ERBB4: variants seen among roughly 807,000 people sequenced by gnomAD.
ERBB4 encodes receptor tyrosine-protein kinase erbB-4.
ERBB4 carries 42 observed loss-of-function variants against 158.0 expected under a neutral mutation model. The observed-to-expected ratio is 0.27, with a 90% CI of 0.21 to 0.34. The LOEUF (loss-of-function observed/expected upper bound fraction) is 0.34. ERBB4 is among the 10% of genes least tolerant of loss of function. ERBB4 has a pLI of 1.00. For synonymous variants in ERBB4, 583 were observed against 558.7 expected (o/e 1.04, Z -0.61); for missense variants, 1,333 against 1,624.1 (o/e 0.82, Z 3.08).
intron 1 of ERBB4, among the ~76,000 whole-genome samples, chr2:212,538,194 G>A (rs1026741288): frequency 6.6e-6 from 1 of 152,102 alleles, no homozygotes; most frequent in South Asian, 2.1e-4. Flanking sequence ...CAAACAAAAC[G>A]CTCGGGAAAG....
At chr2:212,161,097 G>A (rs1385951251) in intron 1 of ERBB4, among the ~76,000 whole-genome samples, 1 of 151,892 alleles carries the variant, frequency 6.6e-6, no homozygotes, top group Admixed American at 6.6e-5. Context: ...TAGAGTTTTA[G>A]CATTAAAAGA....
At chr2:211,787,305 T>C (rs1229146932) in intron 4 of ERBB4, among the ~76,000 whole-genome samples, 1 of 152,156 alleles carries the variant, frequency 6.6e-6, no homozygotes, top group African/African-American at 2.4e-5. Context: ...TTTATGAAAA[T>C]GAAACAGATA....
At position 212,020,101 on chromosome 2, in the gene ERBB4, A is replaced by G. The variant is rs542958277; in HGVS notation, c.235-72485T>C. ...ATGAATGAACAATATATTCCACAGC[A>G]TCCTTAATGCATATGTATGTCTACA... On this transcript the variant is annotated intron_variant, in intron 2 of 27. Transcript: ENST00000342788. Among the ~76,000 whole-genome samples the G allele has an allele frequency of 2.6e-5, 4 of 152,290 alleles. No homozygotes were observed. In the South Asian group the frequency reaches 6.2e-4, roughly 24 times the overall value.
chr2:211,531,701 G>A (rs75596861), intron 20 of ERBB4, among the ~76,000 whole-genome samples: 2 of 151,972 alleles, frequency 1.3e-5, no homozygotes, highest in African/African-American at 2.4e-5. Flanking sequence ...CCTCTCATAC[G>A]CTGTTGGTGG....
chr2:211,837,854 G>A (rs2077375879), intron 3 of ERBB4, among the ~76,000 whole-genome samples: 1 of 152,094 alleles, frequency 6.6e-6, no homozygotes, highest in African/African-American at 2.4e-5. Context: ...GACAGATGGT[G>A]AGACAATGCA....
At chr2:211,815,235 G>A (rs189764998) in intron 3 of ERBB4, among the ~76,000 whole-genome samples, 310 of 152,238 alleles carry the variant, frequency 2.0e-3, no homozygotes, top group African/African-American at 7.2e-3. Context: ...TAGAATAATA[G>A]CAACTATGGA....
chr2:211,752,173 AACTT>A, intron 4 of ERBB4, among the ~76,000 whole-genome samples: 1 of 152,202 alleles, frequency 6.6e-6, no homozygotes, highest in Non-Finnish European at 1.5e-5. Flanking sequence ...TATTATTAAA[AACTT>A]ACAGGAGTTC....
chr2:212,405,052 T>A (rs778547337), intron 1 of ERBB4, among the ~76,000 whole-genome samples: 2 of 152,054 alleles, frequency 1.3e-5, no homozygotes, highest in Non-Finnish European at 2.9e-5. Flanking sequence ...CAGTCTATCA[T>A]TAATTGGCAT....
In ERBB4 at chr2:211,703,874, A is replaced by T. The variant is rs190548892; in HGVS notation, c.1289+230T>A. On this transcript the variant is annotated intron_variant, in intron 11 of 27. Transcript: ENST00000342788. The stretch of plus-strand genomic sequence containing the variant: ...ACATCATGCCCTCCATACTTGCAAA[A>T]TACTAATATTATTTTGAGTGACAGA... 6.7e-3 allele frequency among the ~76,000 whole-genome samples: 1,015 copies of T among 152,358 alleles called. 12 individuals are homozygous for T. Among genetic ancestry groups the T allele is most frequent in the Non-Finnish European group, 9.4e-3 (642 of 68,040 alleles).
At chr2:211,979,281 T>C (rs1453001222) in intron 2 of ERBB4, among the ~76,000 whole-genome samples, 2 of 152,202 alleles carry the variant, frequency 1.3e-5, no homozygotes, top group Non-Finnish European at 2.9e-5. Context: ...AAAATGATTA[T>C]CTTAAAAAAT....
intron 16 of ERBB4, among the ~76,000 whole-genome samples, chr2:211,637,063 T>G (rs1356796059): frequency 1.3e-5 from 2 of 151,970 alleles, no homozygotes; most frequent in South Asian, 4.1e-4. Context: ...TACAATTCTC[T>G]ATAAAGTTAT....
At chr2:212,533,133 G>A (rs1270213525) in intron 1 of ERBB4, among the ~76,000 whole-genome samples, 1 of 152,080 alleles carries the variant, frequency 6.6e-6, no homozygotes, top group East Asian at 1.9e-4. Flanking sequence ...TGGGGAAATT[G>A]CCCTCAAATA....
chr2:212,362,505 CATGTAAGCTATCTAGTGTG>C (rs1186511160), intron 1 of ERBB4, among the ~76,000 whole-genome samples: 6 of 150,658 alleles, frequency 4.0e-5, no homozygotes, highest in Admixed American at 2.7e-4. Context: ...AGAAAAATGT[CATGTAAGCTATCTAGTGTG>C]ACTTGTTTTC....
intron 4 of ERBB4, among the ~76,000 whole-genome samples, chr2:211,772,918 C>CAT (rs2075746276): frequency 2.1e-5 from 1 of 46,810 alleles, no homozygotes; most frequent in Non-Finnish European, 4.1e-5. Context: ...TACACACACA[C>CAT]ACACACATAT....
chr2:211,936,696 T>G (rs2080332388), intron 3 of ERBB4, among the ~76,000 whole-genome samples: 1 of 152,088 alleles, frequency 6.6e-6, no homozygotes, highest in African/African-American at 2.4e-5. Flanking sequence ...GAGAACAAAG[T>G]TTAAGAAAAA....
chr2:211,492,563 A>G (rs900223926), intron 20 of ERBB4, among the ~76,000 whole-genome samples: 4 of 152,052 alleles, frequency 2.6e-5, no homozygotes, highest in African/African-American at 9.7e-5. Flanking sequence ...AGAGTCTACA[A>G]AAGTAGGTAA....
chr2:211,809,281 T>C (rs1018142852), intron 3 of ERBB4, among the ~76,000 whole-genome samples: 2 of 152,226 alleles, frequency 1.3e-5, no homozygotes, highest in African/African-American at 4.8e-5. Context: ...CTCCTCTTTG[T>C]ACCTCTGGTA....
intron 1 of ERBB4, among the ~76,000 whole-genome samples, chr2:212,243,535 C>T (rs144023989): frequency 7.7e-4 from 117 of 152,312 alleles, no homozygotes; most frequent in African/African-American, 2.7e-3. Flanking sequence ...GAAGTCCCCA[C>T]ATCTACTACA....
intron 15 of ERBB4, among the ~76,000 whole-genome samples, chr2:211,664,244 C>T (rs1442862243): frequency 6.6e-6 from 1 of 152,040 alleles, no homozygotes; most frequent in Admixed American, 6.6e-5. Context: ...AACAGCTATC[C>T]CTTAATCTGA....
Sources: allele counts gnomAD v4.1 joint callset (sites outside exome capture counted in the v4.1 genomes callset), GRCh38; gene constraint gnomAD v4.1.1; transcripts MANE v1.5; gene names NCBI Gene and HGNC (gene_info 2026-07-23, HGNC 2026-07-21).